CAST: variants seen among roughly 807,000 people sequenced by gnomAD.
CAST encodes the protein MIR583 host.
CAST carries 76 observed loss-of-function variants against 119.6 expected under a neutral mutation model. The observed-to-expected ratio is 0.64, with a 90% CI of 0.53 to 0.77. The LOEUF (loss-of-function observed/expected upper bound fraction) is 0.77. Among genes scored for constraint, CAST ranks in the 30% least tolerant of loss-of-function variants. The pLI, the probability that CAST is intolerant of heterozygous loss-of-function variation, is 0.00. For missense variants in CAST, 953 were observed against 946.5 expected (o/e 1.01, Z -0.09); for synonymous variants, 319 against 331.6 (o/e 0.96, Z 0.41).
chr5:96,646,064 A>G (rs1190851390), intron 1 of CAST, among the ~76,000 whole-genome samples: 1 of 152,166 alleles, frequency 6.6e-6, no homozygotes, highest in African/African-American at 2.4e-5. Flanking sequence ...AATATATATT[A>G]AAACCACAAG....
chr5:96,674,256 T>G (rs1030857984), intron 1 of CAST, among the ~76,000 whole-genome samples: 2 of 151,606 alleles, frequency 1.3e-5, no homozygotes, highest in Admixed American at 6.6e-5. Context: ...AACATGAGCT[T>G]CTTTTTTGTA....
At chr5:96,160,656 C>T in the CAST span, among the ~76,000 whole-genome samples, 477 of 152,104 alleles carry the variant, frequency 3.1e-3, 1 homozygote, top group Non-Finnish European at 3.8e-3. Flanking sequence ...ATATGGTAAC[C>T]CTATATTTAA....
chr5:96,679,646 A>T (rs1321695279), intron 2 of CAST: 1 of 152,216 alleles, frequency 6.6e-6, no homozygotes, highest in Non-Finnish European at 1.5e-5. Flanking sequence ...AGTAAAGAAA[A>T]CACAAATAAA....
intron 1 of CAST, among the ~76,000 whole-genome samples, chr5:96,625,390 T>C (rs533360650): frequency 1.1e-4 from 16 of 152,220 alleles, no homozygotes; most frequent in Non-Finnish European, 2.4e-4. Flanking sequence ...GTGTCCAAAA[T>C]GTTTTCTTGT....
chr5:96,561,427 A>C (rs1279532285), intron 1 of CAST, among the ~76,000 whole-genome samples: 7 of 152,206 alleles, frequency 4.6e-5, no homozygotes, highest in Middle Eastern at 3.4e-3. Context: ...GACATGGATG[A>C]AGCTGGAAAC....
intron 1 of CAST, among the ~76,000 whole-genome samples, chr5:96,534,665 T>C (rs1006728141): frequency 6.0e-5 from 5 of 82,776 alleles, no homozygotes; most frequent in African/African-American, 1.8e-4. Context: ...TGAGACTTCA[T>C]CAAAGAAAGA....
chr5:96,695,681 A>G (rs1753198456), intron 2 of CAST, 155 bp from the exon 3 acceptor site: 1 of 478,384 alleles, frequency 2.1e-6, no homozygotes, highest in African/African-American at 2.0e-5. Context: ...CAGGCAAAGT[A>G]ACGAAAAATT....
the CAST span, among the ~76,000 whole-genome samples, chr5:96,266,189 C>A: frequency 6.6e-6 from 1 of 152,146 alleles, no homozygotes; most frequent in Non-Finnish European, 1.5e-5. Flanking sequence ...AAGCCCTGAG[C>A]AGATGGTAAG....
At chr5:96,405,816 C>CAGATGG in the CAST span, among the ~76,000 whole-genome samples, 1 of 152,220 alleles carries the variant, frequency 6.6e-6, no homozygotes. Flanking sequence ...TTCTGTTCAG[C>CAGATGG]AGATGGATAT....
At chr5:96,269,373 C>T in the CAST span, among the ~76,000 whole-genome samples, 2 of 152,054 alleles carry the variant, frequency 1.3e-5, no homozygotes, top group Admixed American at 6.6e-5. Context: ...GTAGGGGATT[C>T]GACATCCTAC....
At chr5:96,413,879 G>A in the CAST span, among the ~76,000 whole-genome samples, 3 of 149,652 alleles carry the variant, frequency 2.0e-5, no homozygotes, top group African/African-American at 7.4e-5. Flanking sequence ...CAGCACTTTG[G>A]GAGGCCGAGG....
intron 3 of CAST, among the ~76,000 whole-genome samples, chr5:96,709,808 A>C (rs923224650): frequency 6.6e-6 from 1 of 152,204 alleles, no homozygotes; most frequent in Non-Finnish European, 1.5e-5. Context: ...CCATTTGAAA[A>C]TTGCATCCTG....
the CAST span, among the ~76,000 whole-genome samples, chr5:96,138,639 TTC>T: frequency 1.3e-5 from 2 of 152,034 alleles, no homozygotes; most frequent in Non-Finnish European, 2.9e-5. Flanking sequence ...TGGTTTTTAT[TTC>T]TTTCATCAGA....
At chr5:96,301,481 G>T in the CAST span, among the ~76,000 whole-genome samples, 4 of 152,010 alleles carry the variant, frequency 2.6e-5, no homozygotes, top group Non-Finnish European at 5.9e-5. Context: ...TAACCCAAAA[G>T]TCCAAGTCCA....
the CAST span, chr5:96,400,279 T>C: frequency 4.6e-5 from 38 of 831,604 alleles, no homozygotes; most frequent in Non-Finnish European, 7.0e-5. Context: ...ATTCAGGGAT[T>C]ATGAAGTGCC....
chr5:96,768,514 T>C (rs570967537), intron 29 of CAST: 22 of 397,752 alleles, frequency 5.5e-5, no homozygotes, highest in Non-Finnish European at 1.0e-4. Context: ...TTTTTTTCTA[T>C]ATGTATATTT....
the CAST span, among the ~76,000 whole-genome samples, chr5:96,434,662 G>A: frequency 8.6e-5 from 13 of 151,692 alleles, 1 homozygote; most frequent in African/African-American, 2.9e-4. Flanking sequence ...GCCCGAGGGC[G>A]CGATCTATGC....
chr5:96,743,862 T>G, intron 16 of CAST: 1 of 716,824 alleles, frequency 1.4e-6, no homozygotes, highest in Non-Finnish European at 2.2e-6. Context: ...GGCAGAATCC[T>G]GGGGGGAGTC....
intron 20 of CAST, 27 bp downstream of exon 20, chr5:96,750,709 A>C: frequency 6.8e-7 from 1 of 1,461,688 alleles, no homozygotes; most frequent in Non-Finnish European, 9.6e-7. Flanking sequence ...GCATTTGAGC[A>C]GTGGCTTGAG....
Sources: gnomAD v4.1 joint callset for allele counts (sites outside exome capture counted in the v4.1 genomes callset) on GRCh38, gnomAD v4.1.1 for gene constraint, MANE v1.5 for transcripts, NCBI Gene and HGNC (gene_info 2026-07-23, HGNC 2026-07-21) for gene names.